The following IQSEC1 variants were observed in gnomAD, a reference collection of about 807,000 sequenced individuals.
IQSEC1 encodes the protein IQ motif and Sec7 domain ArfGEF 1.
In IQSEC1, 31 loss-of-function variants were observed where a neutral mutation model predicts 91.0. That is an observed-to-expected ratio of 0.34 (90% CI 0.26 to 0.46). IQSEC1 has a LOEUF of 0.46. IQSEC1 is among the 20% of genes least tolerant of loss of function. IQSEC1 has a pLI of 1.00. For synonymous variants in IQSEC1, 699 were observed against 662.6 expected (o/e 1.05, Z -0.84); for missense variants, 1,388 against 1,575.6 (o/e 0.88, Z 2.02).
At chr3:13,100,380 T>TTCATCC (rs1290567225) in intron 2 of IQSEC1, among the ~76,000 whole-genome samples, 9 of 148,786 alleles carry the variant, frequency 6.0e-5, no homozygotes, top group Non-Finnish European at 1.3e-4. Context: ...CTGGTGAATG[T>TTCATCC]TCATCCTCAA....
intron 1 of IQSEC1, among the ~76,000 whole-genome samples, chr3:12,984,815 A>ATTTTTTTTTTT (rs767194681): frequency 9.8e-6 from 1 of 102,210 alleles, no homozygotes; most frequent in Admixed American, 9.4e-5. Flanking sequence ...AAGCAATTAC[A>ATTTTTTTTTTT]TTTTTTTTTT....
chr3:12,901,873 T>C (rs1290340279), intron 13 of IQSEC1, among the ~76,000 whole-genome samples: 1 of 152,174 alleles, frequency 6.6e-6, no homozygotes, highest in Non-Finnish European at 1.5e-5. Flanking sequence ...TTGGGGTGTC[T>C]GTGCGCTGTG....
intron 12 of IQSEC1, among the ~76,000 whole-genome samples, chr3:12,906,569 C>A (rs751646942): frequency 3.9e-5 from 6 of 152,236 alleles, no homozygotes; most frequent in South Asian, 4.1e-4. Flanking sequence ...ATGGCAGGCC[C>A]AGGGTGGGGT....
chr3:12,959,353 A>G (rs1700105115), intron 1 of IQSEC1, among the ~76,000 whole-genome samples: 1 of 152,144 alleles, frequency 6.6e-6, no homozygotes, highest in Non-Finnish European at 1.5e-5. Context: ...GAGAGCCACA[A>G]TACCATCCAG....
intron 1 of IQSEC1, among the ~76,000 whole-genome samples, chr3:12,952,512 G>A (rs1041945469): frequency 6.6e-6 from 1 of 152,098 alleles, no homozygotes; most frequent in African/African-American, 2.4e-5. Flanking sequence ...AGCCTCACAT[G>A]CCACCCCACC....
At position 13,068,239 on chromosome 3, in the gene IQSEC1, T is replaced by C. The variant is rs1305431910; in HGVS notation, c.23+4753A>G. Among the ~76,000 whole-genome samples the C allele has an allele frequency of 2.6e-5, 4 of 152,350 alleles. No individual in the cohort carries two copies. The East Asian group carries it at 5.8e-4, about 22-fold the overall frequency. On this transcript the variant is annotated intron_variant, in intron 1 of 13. Coordinates refer to ENST00000613206, the MANE Select transcript of IQSEC1 (RefSeq NM_001134382.3). ...CCTTCACGGATCCTTTGGTGGAAGATGGTGGCAGGTGGGTCAGAGGTAGGT... is the reference window on the plus strand; with the variant it reads ...CCTTCACGGATCCTTTGGTGGAAGACGGTGGCAGGTGGGTCAGAGGTAGGT...
At chr3:12,965,747 G>T (rs746800276) in intron 1 of IQSEC1, among the ~76,000 whole-genome samples, 2 of 152,212 alleles carry the variant, frequency 1.3e-5, no homozygotes, top group Non-Finnish European at 2.9e-5. Context: ...AGGTGGCCTG[G>T]ACATGTCAAC....
rs1160661451 is a variant in IQSEC1, at chr3:12,899,599, C to T, written c.*1384G>A. On this transcript the variant is annotated 3_prime_UTR_variant, in exon 14 of 14. Transcript: ENST00000613206. ...GACCATGGGAAGGCAGCGGGGGCTC[C>T]GCCGGGCACTCGTCGGCTGGGGTCA... 12 of 985,290 alleles carry T rather than the reference C, an allele frequency of 1.2e-5. No homozygotes were observed. The highest frequency in any genetic ancestry group is 5.2e-4 in the Middle Eastern group (1 of 1,936). 61.0% of individuals were successfully genotyped at this position (985,290 alleles called of 1,614,324 possible). A position where few individuals can be genotyped will look rare whatever the true frequency, so the allele number is the denominator to read the frequency against.
chr3:13,013,640 A>G (rs1702988588), intron 1 of IQSEC1, among the ~76,000 whole-genome samples: 1 of 152,192 alleles, frequency 6.6e-6, no homozygotes. Context: ...TCTCCTTCAC[A>G]GAACATGTCA....
At chr3:13,003,585 C>T (rs1046166565) in intron 1 of IQSEC1, among the ~76,000 whole-genome samples, 6 of 152,096 alleles carry the variant, frequency 3.9e-5, no homozygotes, top group Admixed American at 1.3e-4. Context: ...TAATAATAAC[C>T]GAATTGTACA....
chr3:13,116,538 A>AT (rs1706338871), intron 2 of IQSEC1, among the ~76,000 whole-genome samples: 1 of 152,192 alleles, frequency 6.6e-6, no homozygotes, highest in South Asian at 2.1e-4. Flanking sequence ...TGGTGCTGTG[A>AT]TAACTGCACA....
In IQSEC1 at chr3:13,207,835, T is replaced by G. The variant is rs1207573989; in HGVS notation, c.273-43702A>C. 2.6e-5 allele frequency among the ~76,000 whole-genome samples: 4 copies of G among 152,184 alleles called. No individual in the cohort carries two copies. The highest frequency in any genetic ancestry group is 5.9e-5 in the Non-Finnish European group (4 of 68,026). ...CCAGCCTTGTGTGGTCCCCATACAC[T>G]GACCAGCCTTCCCTCCTGCCTTTGT... On this transcript the variant is annotated intron_variant, in intron 1 of 15. Coordinates refer to the IQSEC1 transcript ENST00000648114. This position sits in a 1 kb window ranked among gnomAD's most constrained non-coding sequence, Gnocchi z 4.8.
chr3:13,210,994 T>A (rs1178087440), intron 1 of IQSEC1, among the ~76,000 whole-genome samples: 5 of 152,292 alleles, frequency 3.3e-5, no homozygotes, highest in Non-Finnish European at 7.4e-5. Flanking sequence ...GGAAAGATCA[T>A]CCTGTACTAT....
chr3:13,032,394 G>T (rs929367164), intron 1 of IQSEC1, among the ~76,000 whole-genome samples: 2 of 152,202 alleles, frequency 1.3e-5, no homozygotes, highest in African/African-American at 4.8e-5. Flanking sequence ...GGGCGGCACG[G>T]GGAAGGCTGT....
chr3:13,004,191 A>G (rs1027219124), intron 1 of IQSEC1, among the ~76,000 whole-genome samples: 3 of 152,360 alleles, frequency 2.0e-5, no homozygotes, highest in Middle Eastern at 3.4e-3. Flanking sequence ...GCCCCTGCTC[A>G]TCATGTCTGT....
intron 1 of IQSEC1, among the ~76,000 whole-genome samples, chr3:12,944,438 G>A (rs966684233): frequency 2.0e-5 from 3 of 152,184 alleles, no homozygotes; most frequent in Non-Finnish European, 4.4e-5. Flanking sequence ...TGGCCTCGCC[G>A]GGAAGCCCAT....
intron 1 of IQSEC1, among the ~76,000 whole-genome samples, chr3:13,219,535 C>CTT (rs1694617722): frequency 6.6e-6 from 1 of 152,234 alleles, no homozygotes; most frequent in Non-Finnish European, 1.5e-5. Flanking sequence ...CAGAGCGCTG[C>CTT]CTCATTAATA....
chr3:13,081,028 G>A (rs1362848567), intron 2 of IQSEC1, among the ~76,000 whole-genome samples: 1 of 152,210 alleles, frequency 6.6e-6, no homozygotes, highest in Non-Finnish European at 1.5e-5. Context: ...CAAGGTTTCT[G>A]CATACAGTGG....
chr3:13,233,681 G>A (rs375354133), intron 1 of IQSEC1, among the ~76,000 whole-genome samples: 5 of 152,116 alleles, frequency 3.3e-5, no homozygotes, highest in East Asian at 1.9e-4. Context: ...TCCCTGCCAC[G>A]TAGCCTGCTG....
Sources: gnomAD v4.1 joint callset for allele counts (sites outside exome capture counted in the v4.1 genomes callset) on GRCh38, gnomAD v4.1.1 for gene constraint, Gnocchi (gnomAD v3.1) non-coding constraint, MANE v1.5 for transcripts, NCBI Gene and HGNC (gene_info 2026-07-23, HGNC 2026-07-21) for gene names.